DCDC2C: variants seen among roughly 807,000 people sequenced by gnomAD.
The protein encoded by DCDC2C is doublecortin domain-containing protein 2C.
DCDC2C carries 44 observed loss-of-function variants against 45.0 expected under a neutral mutation model. The observed-to-expected ratio is 0.98, with a 90% CI of 0.77 to 1.26. The LOEUF (loss-of-function observed/expected upper bound fraction) is 1.26, where lower values mean the gene tolerates loss of function less well. Among genes scored for constraint, DCDC2C ranks in the 50% most tolerant of loss-of-function variants. DCDC2C has a pLI of 0.00. For synonymous variants in DCDC2C, 187 were observed against 178.8 expected (o/e 1.05, Z -0.37); for missense variants, 447 against 468.9 (o/e 0.95, Z 0.43).
chr2:3,743,840 G>A (rs555780781), intron 4 of DCDC2C, among the ~76,000 whole-genome samples: 257 of 152,324 alleles, frequency 1.7e-3, no homozygotes, highest in Non-Finnish European at 1.2e-3. Context: ...GGCCGAGGCC[G>A]GTGGATCACC....
At chr2:3,753,375 G>A (rs1669599817) in intron 5 of DCDC2C, among the ~76,000 whole-genome samples, 1 of 152,226 alleles carries the variant, frequency 6.6e-6, no homozygotes, top group Non-Finnish European at 1.5e-5. Flanking sequence ...CACTGTGTGT[G>A]TGTTTATGGA....
chr2:3,779,440 G>T (rs1299370152), intron 9 of DCDC2C, among the ~76,000 whole-genome samples: 2 of 152,116 alleles, frequency 1.3e-5, no homozygotes, highest in African/African-American at 2.4e-5. Flanking sequence ...TGCAGGGAGC[G>T]TGTGTCTGTG....
intron 10 of DCDC2C, among the ~76,000 whole-genome samples, chr2:3,823,304 T>C (rs1311406521): frequency 1.3e-5 from 2 of 152,202 alleles, no homozygotes; most frequent in Non-Finnish European, 2.9e-5. Flanking sequence ...CCTTCTATTA[T>C]TGATTTCTAA....
rs903700585 is a variant in DCDC2C, at chr2:3,734,375, A to C, written c.416+7296A>C. Among the ~76,000 whole-genome samples, 1 of 152,202 alleles carries C rather than the reference A, an allele frequency of 6.6e-6. No individual in the cohort carries two copies. Among genetic ancestry groups the C allele is most frequent in the Admixed American group, 6.5e-5 (1 of 15,280 alleles). On this transcript the variant is annotated intron_variant, in intron 3 of 10. Transcript: ENST00000399143. The surrounding 1 kb of genome is among the most constrained non-coding windows in gnomAD (Gnocchi z 4.2). ...ATAAAGAGCGAGATCTACTTAGGGC[A>C]GAGGGGTTTCTGATGAATCTAATCT... is the stretch of plus-strand genomic sequence containing the variant.
At chr2:3,777,633 C>A (rs554132797) in intron 8 of DCDC2C, among the ~76,000 whole-genome samples, 1 of 152,112 alleles carries the variant, frequency 6.6e-6, no homozygotes. Context: ...TTATTCATTG[C>A]GACTGCTTTT....
chr2:3,733,812 G>A (rs548393391), intron 3 of DCDC2C, among the ~76,000 whole-genome samples: 2 of 152,268 alleles, frequency 1.3e-5, no homozygotes, highest in Non-Finnish European at 2.9e-5. Context: ...AACATGAACT[G>A]GGGGGTGAGG....
intron 10 of DCDC2C, among the ~76,000 whole-genome samples, chr2:3,798,767 A>C (rs1208801947): frequency 1.3e-5 from 2 of 151,578 alleles, no homozygotes; most frequent in Non-Finnish European, 1.5e-5. Flanking sequence ...CTTCCCTTTG[A>C]GGGTAACCCG....
rs552370867 is a variant in DCDC2C, at chr2:3,734,347, G to A, written c.416+7268G>A. ...CCTCCCTCCAGAGATAGGAGCCATC[G>A]ACATAAAGAGCGAGATCTACTTAGG... is the stretch of plus-strand genomic sequence containing the variant. On this transcript the variant is annotated intron_variant, in intron 3 of 10. Transcript: ENST00000399143. The surrounding 1 kb of genome is among the most constrained non-coding windows in gnomAD (Gnocchi z 4.2). 3.3e-5 allele frequency among the ~76,000 whole-genome samples: 5 copies of A among 152,244 alleles called. No individual in the cohort carries two copies. The highest frequency in any genetic ancestry group is 7.2e-5 in the African/African-American group (3 of 41,538).
At chr2:3,783,316 C>T (rs11687254) in intron 9 of DCDC2C, among the ~76,000 whole-genome samples, 35,838 of 151,984 alleles carry the variant, frequency 0.24, 4,351 homozygotes, top group South Asian at 0.36. Flanking sequence ...CTGGCCTATC[C>T]GGAGCTGTGC....
intron 10 of DCDC2C, among the ~76,000 whole-genome samples, chr2:3,845,667 CTTTGA>C (rs71963751): frequency 0.24 from 36,419 of 151,974 alleles, 4,692 homozygotes; most frequent in East Asian, 0.33. Context: ...AGCACATCTA[CTTTGA>C]TTTGGCTCCA....
chr2:3,815,542 GTGT>G (rs1181607438), intron 10 of DCDC2C, among the ~76,000 whole-genome samples: 3 of 152,184 alleles, frequency 2.0e-5, no homozygotes, highest in Non-Finnish European at 2.9e-5. Context: ...TTAGACAACT[GTGT>G]TGTTGTCACA....
intron 3 of DCDC2C, among the ~76,000 whole-genome samples, chr2:3,729,064 C>G (rs374449534): frequency 6.6e-6 from 1 of 152,244 alleles, no homozygotes; most frequent in East Asian, 1.9e-4. Context: ...GATTCACTCA[C>G]TCATTCCACT....
rs191746410 is a variant in DCDC2C, at chr2:3,724,020, T to C, written c.340-2983T>C. 2.6e-5 allele frequency among the ~76,000 whole-genome samples: 4 copies of C among 152,272 alleles called. No homozygotes were observed. The East Asian group carries it at 5.8e-4, about 22-fold the overall frequency. ...GTGTGTGGCACTCTCATTTATTGAATTGAATATTTATTACTGTGTTATAGG... is the reference window on the plus strand; with the variant it reads ...GTGTGTGGCACTCTCATTTATTGAACTGAATATTTATTACTGTGTTATAGG... On this transcript the variant is annotated intron_variant, in intron 2 of 10. Transcript: ENST00000399143.
chr2:3,747,139 C>G (rs965964296), intron 4 of DCDC2C, among the ~76,000 whole-genome samples: 1 of 152,178 alleles, frequency 6.6e-6, no homozygotes, highest in African/African-American at 2.4e-5. Flanking sequence ...GGGCGGGACA[C>G]ACATGCACGC....
intron 8 of DCDC2C, among the ~76,000 whole-genome samples, chr2:3,772,350 G>T (rs1670196447): frequency 6.6e-6 from 1 of 152,320 alleles, no homozygotes; most frequent in East Asian, 1.9e-4. Context: ...GAAGGATGTG[G>T]CCCGTCCTTG....
chr2:3,708,662 A>G, intron 2 of DCDC2C, 62 bp downstream of exon 2: 2 of 1,283,256 alleles, frequency 1.6e-6, no homozygotes, highest in Non-Finnish European at 2.2e-6. Context: ...AAAAATTTAA[A>G]TGTCGGCACG....
Position 3,761,376 on chromosome 2 carries a change from C to A in DCDC2C, c.727-6378C>A, listed in dbSNP as rs1464234629. ...ATAAAGCATATAAATTAAGGAGGTG[C>A]GTGTGTGTGTGCGTGTGTGTGTGCG... is the stretch of plus-strand genomic sequence containing the variant. On this transcript the variant is annotated intron_variant, in intron 6 of 10. Coordinates refer to ENST00000399143, the MANE Select transcript of DCDC2C (RefSeq NM_001287444.2). This position sits in a 1 kb window ranked among gnomAD's most constrained non-coding sequence, Gnocchi z 4.3. Among the ~76,000 whole-genome samples the A allele has an allele frequency of 6.6e-6, 1 of 151,656 alleles. No individual in the cohort carries two copies. The highest frequency in any genetic ancestry group is 6.6e-5 in the Admixed American group (1 of 15,214).
At chr2:3,794,435 T>C (rs1670903014) in intron 10 of DCDC2C, among the ~76,000 whole-genome samples, 1 of 152,198 alleles carries the variant, frequency 6.6e-6, no homozygotes, top group African/African-American at 2.4e-5. Context: ...TACATATGTA[T>C]ACATGTGCCA....
At chr2:3,766,282 ACACT>A (rs1416369254) in intron 6 of DCDC2C, among the ~76,000 whole-genome samples, 1 of 151,386 alleles carries the variant, frequency 6.6e-6, no homozygotes, top group African/African-American at 2.4e-5. Flanking sequence ...CACCACATAC[ACACT>A]CATACATACA....
Sources: allele counts gnomAD v4.1 joint callset (sites outside exome capture counted in the v4.1 genomes callset), GRCh38; gene constraint gnomAD v4.1.1; non-coding constraint Gnocchi (gnomAD v3.1); transcripts MANE v1.5; gene names NCBI Gene and HGNC (gene_info 2026-07-23, HGNC 2026-07-21).